Variants in CTR9 observed in about 807,000 individuals in gnomAD.
The protein encoded by CTR9 is CTR9 component of Paf1/RNA polymerase II complex.
CTR9 carries 41 observed loss-of-function variants against 152.1 expected under a neutral mutation model. That is an observed-to-expected ratio of 0.27 (90% CI 0.21 to 0.35). The LOEUF (loss-of-function observed/expected upper bound fraction) is 0.35, where lower values mean the gene tolerates loss of function less well. CTR9 is among the 10% of genes least tolerant of loss of function. The probability of loss-of-function intolerance (pLI) is 1.00; values close to 1 mark genes in which losing one functional copy is unlikely to be tolerated. For synonymous variants in CTR9, 476 were observed against 496.2 expected (o/e 0.96, Z 0.54); for missense variants, 917 against 1,424.4 (o/e 0.64, Z 5.73).
At position 10,763,895 on chromosome 11, in the gene CTR9, A is replaced by T. The variant is rs1037662122; in HGVS notation, c.1194+16A>T. 3 of 1,563,360 alleles carry T rather than the reference A, an allele frequency of 1.9e-6. No homozygotes were observed. Among genetic ancestry groups the T allele is most frequent in the African/African-American group, 2.7e-5 (2 of 72,886 alleles). On this transcript the variant is annotated intron_variant, in intron 9 of 24. Transcript: ENST00000361367. ...TATTGCCAAGGTACATCTTTTTTTT[A>T]AAGTCTTAGCTGTTTTCTGTTAGCT...
chr11:10,772,519 G>A lies in CTR9; in HGVS notation c.2445-1G>A. 1.3e-6 allele frequency: 2 copies of A among 1,519,046 alleles called. No homozygotes were observed. Among genetic ancestry groups the A allele is most frequent in the Non-Finnish European group, 1.8e-6 (2 of 1,132,850 alleles). The allele number at this position is 1,519,046 out of a possible 1,614,324, so 94.1% of individuals were successfully genotyped here. On this transcript the variant is annotated splice_acceptor_variant, in intron 19 of 24. Transcript: ENST00000361367. LOFTEE classifies it high-confidence loss of function. The stretch of plus-strand genomic sequence containing the variant: ...GTTTCTCTAAACCTGAAATGTTCTA[G>A]GCAGTGTTCTGACTTACTGAGCCAG...
chr11:10,762,199 CTGGG>C, intron 7 of CTR9, 145 bp downstream of exon 7: 1 of 601,922 alleles, frequency 1.7e-6, no homozygotes, highest in Non-Finnish European at 2.9e-6. Context: ...TATTAGTTAC[CTGGG>C]GGTACCTACA....
Position 10,764,215 on chromosome 11 carries a change from G to T in CTR9, c.1284+14G>T. On this transcript the variant is annotated intron_variant, in intron 10 of 24. Coordinates refer to ENST00000361367, the MANE Select transcript of CTR9 (RefSeq NM_014633.5). ...ACTGATATACAGGTATTTTAGTAAT[G>T]TTTTTTAATCTCTCATATGATGTGT... is the stretch of plus-strand genomic sequence containing the variant. The T allele has an allele frequency of 6.2e-7, 1 of 1,613,628 alleles. No homozygotes were observed. Among genetic ancestry groups the T allele is most frequent in the Non-Finnish European group, 8.5e-7 (1 of 1,179,558 alleles).
At chr11:10,768,555 C>T (rs1355252737) in intron 16 of CTR9, 64 bp downstream of exon 16, 4 of 1,490,956 alleles carry the variant, frequency 2.7e-6, no homozygotes, top group East Asian at 4.6e-5. Flanking sequence ...GTTTTCTTAG[C>T]CATTCTGGCC....
chr11:10,773,362 A>G, intron 21 of CTR9, 89 bp downstream of exon 21: 1 of 1,497,964 alleles, frequency 6.7e-7, no homozygotes, highest in South Asian at 1.2e-5. Context: ...TTCCTTCTGT[A>G]CTTACTAGTT....
At chr11:10,751,601 ATCT>A (rs920885902) in intron 1 of CTR9, 144 bp downstream of exon 1, 19 of 800,114 alleles carry the variant, frequency 2.4e-5, no homozygotes, top group African/African-American at 8.5e-5. Context: ...TCTGATCATC[ATCT>A]TCTTCAGCCC....
At chr11:10,774,367 C>A (rs1863196899) in intron 22 of CTR9, 198 bp downstream of exon 22, 1 of 487,116 alleles carries the variant, frequency 2.1e-6, no homozygotes, top group Admixed American at 3.3e-5. Flanking sequence ...CCATACGTCT[C>A]CACAGCTTTC....
intron 5 of CTR9, among the ~76,000 whole-genome samples, chr11:10,759,388 T>C (rs1862938488): frequency 6.6e-6 from 1 of 152,218 alleles, no homozygotes; most frequent in Admixed American, 6.5e-5. Flanking sequence ...TTTAGCACCA[T>C]ACAAATCCAT....
At chr11:10,768,599 C>T in intron 16 of CTR9, 108 bp downstream of exon 16, 2 of 1,116,118 alleles carry the variant, frequency 1.8e-6, no homozygotes, top group Non-Finnish European at 2.5e-6. Flanking sequence ...TCTTGTGATA[C>T]TGTGTCTATT....
At position 10,767,083 on chromosome 11, in the gene CTR9, A is replaced by G. The variant is rs1863072044; in HGVS notation, c.1686+593A>G. The G allele has an allele frequency of 6.5e-6, 1 of 152,708 alleles. No individual in the cohort carries two copies. The highest frequency in any genetic ancestry group is 2.1e-4 in the South Asian group (1 of 4,842). 9.5% of individuals were successfully genotyped at this position (152,708 alleles called of 1,614,324 possible). ...ATGCAGATAACTAAAGACTAACTAAATGGATTTTACAACTTACTAATGGGT... is the reference window on the plus strand; with the variant it reads ...ATGCAGATAACTAAAGACTAACTAAGTGGATTTTACAACTTACTAATGGGT... On this transcript the variant is annotated intron_variant, in intron 13 of 24. Coordinates refer to ENST00000361367, the MANE Select transcript of CTR9 (RefSeq NM_014633.5). This position sits in a 1 kb window ranked among gnomAD's most constrained non-coding sequence, Gnocchi z 4.0.
At chr11:10,775,351 A>G in intron 23 of CTR9, 48 bp downstream of exon 23, 1 of 1,514,046 alleles carries the variant, frequency 6.6e-7, no homozygotes, top group Non-Finnish European at 9.1e-7. Context: ...GATGTGAAAG[A>G]TTGCAGTACA....
In CTR9 at chr11:10,764,661, G is replaced by A. The variant is rs775869187; in HGVS notation, c.1527G>A (p.Ala509=). Residue 509 remains alanine (A), a synonymous_variant, in exon 12 of 25, where the codon GCG becomes GCA. Coordinates refer to ENST00000361367, the MANE Select transcript of CTR9 (RefSeq NM_014633.5). The part of the protein sequence containing the change: ...TSYNLARLYE[A]MCEFHEAEKL... ...ATAATCTCGCCAGGCTATATGAGGC[G>A]ATGTGTGAATTCCATGAAGCAGAAA... 40 of 1,613,066 alleles carry A rather than the reference G, an allele frequency of 2.5e-5. No homozygotes were observed. The highest frequency in any genetic ancestry group is 5.5e-5 in the South Asian group (5 of 91,012).
chr11:10,777,263 G>A (rs1863255120), intron 24 of CTR9, among the ~76,000 whole-genome samples: 1 of 152,076 alleles, frequency 6.6e-6, no homozygotes. Flanking sequence ...CAGGTGAGGT[G>A]GCTCACGCCT....
chr11:10,775,430 G>C, intron 23 of CTR9, 91 bp from the exon 24 acceptor site: 3 of 1,371,960 alleles, frequency 2.2e-6, no homozygotes, highest in African/African-American at 1.5e-5. Context: ...ATCAGTGGCT[G>C]TTTGATTGTA....
intron 15 of CTR9, 81 bp downstream of exon 15, chr11:10,768,242 C>T: frequency 4.4e-6 from 7 of 1,573,698 alleles, no homozygotes; most frequent in Middle Eastern, 1.7e-4. Flanking sequence ...CAGAATTTTT[C>T]TTAAAATGTG....
In CTR9 at chr11:10,774,103, G is replaced by A. The variant is rs774266883; in HGVS notation, c.2819G>A (p.Gly940Asp). The change falls in exon 22 of 25, where the codon GGT becomes GAT. Residue 940 changes from glycine (G) to aspartate (D), a missense_variant. By Grantham distance (94) the Gly-to-Asp change is moderately conservative (BLOSUM62 -1). This residue lies in a region of CTR9 where 384 missense variants were observed against 398.4 expected (regional missense o/e 0.96). Transcript: ENST00000361367. ...TCCAAAAAGAAGAAGAGAAGAAAGGGTAGTGGCAGTGAACAAGAAGGTGAA... is the reference window on the plus strand; with the variant it reads ...TCCAAAAAGAAGAAGAGAAGAAAGGATAGTGGCAGTGAACAAGAAGGTGAA... The part of the protein sequence containing the change: ...PISKKKKRRK[G>D]SGSEQEGEDE... The A allele has an allele frequency of 1.9e-6, 3 of 1,607,190 alleles. No individual in the cohort carries two copies. The highest frequency in any genetic ancestry group is 1.3e-5 in the African/African-American group (1 of 74,766).
In CTR9 at chr11:10,755,664, A is replaced by G. The variant is rs1862873674; in HGVS notation, c.385-14A>G. On this transcript the variant is annotated splice_polypyrimidine_tract_variant and intron_variant, in intron 3 of 24. Transcript: ENST00000361367. ...ATATAGGGGTAAAATCTAAGATAAT[A>G]CATTACTTCATAGAACCATTTGTTG... The G allele has an allele frequency of 6.5e-7, 1 of 1,536,548 alleles. No homozygotes were observed. Among genetic ancestry groups the G allele is most frequent in the Non-Finnish European group, 9.0e-7 (1 of 1,110,568 alleles).
chr11:10,755,855 A>G, intron 4 of CTR9, 60 bp downstream of exon 4: 2 of 959,814 alleles, frequency 2.1e-6, no homozygotes, highest in South Asian at 1.5e-5. Flanking sequence ...CCTAGAATAT[A>G]TCTCTTGGTA....
chr11:10,763,351 C>T (rs187820237), intron 7 of CTR9, 80 bp from the exon 8 acceptor site: 27 of 918,760 alleles, frequency 2.9e-5, no homozygotes, highest in Non-Finnish European at 3.3e-5. Flanking sequence ...TACAGGTAAA[C>T]GAAGTGTTAG....
Sources: gnomAD v4.1 joint callset for allele counts (sites outside exome capture counted in the v4.1 genomes callset) on GRCh38, gnomAD v4.1.1 for gene constraint, gnomAD v4.1.1 regional missense constraint, Gnocchi (gnomAD v3.1) non-coding constraint, MANE v1.5 for transcripts, NCBI Gene and HGNC (gene_info 2026-07-23, HGNC 2026-07-21) for gene names.